APBA3: variants seen among roughly 807,000 people sequenced by gnomAD.
APBA3 encodes amyloid-beta A4 precursor protein-binding family A member 3.
APBA3 carries 45 observed loss-of-function variants against 55.9 expected under a neutral mutation model. That is an observed-to-expected ratio of 0.80 (90% CI 0.63 to 1.03). APBA3 has a LOEUF of 1.03. Ranked by LOEUF, APBA3 falls within the 50% of genes least tolerant of loss-of-function variation. The pLI is 0.00. For synonymous variants in APBA3, 370 were observed against 353.3 expected (o/e 1.05, Z -0.53); for missense variants, 865 against 820.3 (o/e 1.05, Z -0.67).
intron 6 of APBA3, 162 bp from the exon 7 acceptor site, chr19:3,753,152 C>T: frequency 1.3e-6 from 1 of 775,848 alleles, no homozygotes; most frequent in Non-Finnish European, 2.0e-6. Flanking sequence ...GGAGAGACAG[C>T]CGCATCTTGG....
At position 3,759,560 on chromosome 19, in the gene APBA3, C is replaced by CCCTCCTG. The variant is rs770315585; in HGVS notation, c.610_616dup (p.Val206AlafsTer8). On this transcript the variant is annotated frameshift_variant and splice_region_variant. Coordinates refer to ENST00000316757, the MANE Select transcript of APBA3 (RefSeq NM_004886.4). LOFTEE classifies it high-confidence loss of function. ...GAGGCTAGGGTGGGCGGGACACTCA[C>CCCTCCTG]CCTCCTGGGGGGCAGGGTAGGAAGC... 6.9e-6 allele frequency: 11 copies of CCCTCCTG among 1,598,408 alleles called. No homozygotes were observed. In the African/African-American group the frequency reaches 1.5e-4, roughly 21 times the overall value.
chr19:3,751,110 G>A lies in APBA3; in HGVS notation c.1657-13C>T, dbSNP rs919055738. On this transcript the variant is annotated splice_polypyrimidine_tract_variant and intron_variant, in intron 10 of 10. Transcript: ENST00000316757. The stretch of plus-strand genomic sequence containing the variant: ...TCTTGATATGCACCTGGGGAGTGGA[G>A]GCGGAACGGGGCTCAGGGCAGGCCT... The A allele has an allele frequency of 1.6e-5, 25 of 1,564,350 alleles. No individual in the cohort carries two copies. The highest frequency in any genetic ancestry group is 2.1e-5 in the Non-Finnish European group (24 of 1,154,178).
At chr19:3,757,583 T>C (rs1484843986) in intron 3 of APBA3, among the ~76,000 whole-genome samples, 2 of 152,086 alleles carry the variant, frequency 1.3e-5, no homozygotes, top group African/African-American at 4.8e-5. Flanking sequence ...AATATAAAAA[T>C]TAGCTGGGCA....
rs368362139 is a variant in APBA3 at position 3,752,825 on chromosome 19, G to A, written c.1177C>T (p.Arg393Trp). The A allele has an allele frequency of 2.0e-5, 33 of 1,613,012 alleles. No homozygotes were observed. Among genetic ancestry groups the A allele is most frequent in the African/African-American group, 5.3e-5 (4 of 74,932 alleles). ...CTGCCCAGCACCTCACTCACCTCCC[G>A]GCAGTTGTCACTGTTGGAGAAGTGG... ...LDHFSNSDNCREVHLEKRRGE... is the reference protein window; with the variant it reads ...LDHFSNSDNCWEVHLEKRRGE... The change falls in exon 7 of 11, where the codon CGG becomes TGG. Residue 393 changes from arginine to tryptophan, a missense_variant. Arg to Trp is a moderately radical substitution (Grantham distance 101, BLOSUM62 -3). Coordinates refer to ENST00000316757, the MANE Select transcript of APBA3 (RefSeq NM_004886.4).
rs1193326918 is a variant in APBA3 at position 3,760,207 on chromosome 19, C to G, written c.58G>C (p.Gly20Arg). The G allele has an allele frequency of 1.2e-6, 2 of 1,611,956 alleles. No homozygotes were observed. The highest frequency in any genetic ancestry group is 3.3e-5 in the Admixed American group (2 of 59,912). ...PSGPPAMDLE[G>R]PRDILVPSED... ...GAAGGCACAAGAATGTCCCTGGGCCCCTCCAAGTCCATGGCTGGAGGCCCC... is the reference window on the plus strand; with the variant it reads ...GAAGGCACAAGAATGTCCCTGGGCCGCTCCAAGTCCATGGCTGGAGGCCCC... Residue 20 changes from glycine to arginine, a missense_variant, in exon 2 of 11, where the codon GGG becomes CGG. By Grantham distance (125) the Gly-to-Arg change is moderately radical. Coordinates refer to ENST00000316757, the MANE Select transcript of APBA3 (RefSeq NM_004886.4).
At chr19:3,753,664 TA>T in intron 6 of APBA3, 100 bp downstream of exon 6, 1 of 1,183,274 alleles carries the variant, frequency 8.5e-7, no homozygotes, top group Non-Finnish European at 1.1e-6. Context: ...AATTTAAAAA[TA>T]AGCTTATGGG....
Position 3,759,672 on chromosome 19 carries a change from G to A in APBA3, c.576+17C>T. ...TCCAGGCAGTCCAGGATGCCTGGAG[G>A]GCGGGGCGGGCACTACCTGGGCACC... On this transcript the variant is annotated intron_variant, in intron 2 of 10. Transcript: ENST00000316757. 6.2e-7 allele frequency: 1 copy of A among 1,610,646 alleles called. No homozygotes were observed. The highest frequency in any genetic ancestry group is 1.1e-5 in the South Asian group (1 of 90,922).
chr19:3,751,549 G>A lies in APBA3; in HGVS notation c.1400C>T (p.Thr467Met), dbSNP rs773106862. The A allele has an allele frequency of 2.1e-5, 33 of 1,588,400 alleles. No individual in the cohort carries two copies. Among genetic ancestry groups the A allele is most frequent in the African/African-American group, 5.4e-5 (4 of 74,228 alleles). Residue 467 changes from threonine to methionine, a missense_variant, in exon 9 of 11, where the codon ACG (threonine) becomes ATG (methionine). Coordinates refer to ENST00000316757, the MANE Select transcript of APBA3 (RefSeq NM_004886.4). ...LAACQAAVRE[T>M]KSQTSVTLSI... ...GAGTGTCACCGACGTCTGCGACTTC[G>A]TCTCCTGTGGGGCGGGGGCCGTTGG...
At chr19:3,760,678 G>A (rs2037134110) in intron 1 of APBA3, among the ~76,000 whole-genome samples, 1 of 151,982 alleles carries the variant, frequency 6.6e-6, no homozygotes, top group Non-Finnish European at 1.5e-5. Flanking sequence ...GAACCCGGGA[G>A]GCGGAGGTTG....
At chr19:3,751,709 C>T (rs1037199727) in intron 8 of APBA3, 156 bp from the exon 9 acceptor site, 49 of 889,052 alleles carry the variant, frequency 5.5e-5, no homozygotes, top group Middle Eastern at 3.4e-4. Flanking sequence ...AGAACAGACT[C>T]GGGCCCGGTG....
rs201127819 is a variant in APBA3 at position 3,752,930 on chromosome 19, G to A, written c.1072C>T (p.Arg358Trp). The part of the protein sequence containing the change: ...AFAAAYSQFL[R>W]ESGIDPSQVG... The stretch of plus-strand genomic sequence containing the variant: ...TGGCTGGGGTCAATACCGCTTTCCC[G>A]TAGGAACTGGCTGTAGGCGGCGGCG... Residue 358 changes from arginine (R) to tryptophan (W), a missense_variant, in exon 7 of 11, where the codon CGG (arginine) becomes TGG (tryptophan). Arg to Trp is a moderately radical substitution (Grantham distance 101). Transcript: ENST00000316757. The A allele has an allele frequency of 5.6e-6, 9 of 1,613,402 alleles. No individual in the cohort carries two copies. Among genetic ancestry groups the A allele is most frequent in the Middle Eastern group, 1.6e-4 (1 of 6,062 alleles).
Position 3,751,234 on chromosome 19 carries a change from C to A in APBA3, c.1611G>T (p.Thr537=). ...IEINGQSVVA[T]PHARIIELLT... is the part of the protein sequence containing the mutation. ...GCAGCTCGATGATGCGGGCGTGTGG[C>A]GTGGCCACCACACTCTGCCCATTGA... Residue 537 remains threonine (T), a synonymous_variant, in exon 10 of 11, where the codon ACG becomes ACT. Coordinates refer to ENST00000316757, the MANE Select transcript of APBA3 (RefSeq NM_004886.4). 1.3e-6 allele frequency: 2 copies of A among 1,548,208 alleles called. No homozygotes were observed. Among genetic ancestry groups the A allele is most frequent in the Non-Finnish European group, 1.7e-6 (2 of 1,148,162 alleles).
At chr19:3,751,923 AACATGGCCAGGTGCAGTGGCTC>A in intron 8 of APBA3, 2 of 258,686 alleles carry the variant, frequency 7.7e-6, no homozygotes, top group Admixed American at 5.2e-5. Context: ...GAGACTCAAA[AACATGGCCAGGTGCAGTGGCTC>A]ACACCTGTAA....
In APBA3 at chr19:3,759,732, G is replaced by C; in HGVS notation, c.533C>G (p.Thr178Arg). 6.2e-7 allele frequency: 1 copy of C among 1,612,666 alleles called. No homozygotes were observed. The highest frequency in any genetic ancestry group is 8.5e-7 in the Non-Finnish European group (1 of 1,179,828). The change falls in exon 2 of 11, where the codon ACG becomes AGG. Residue 178 changes from threonine (T) to arginine (R), a missense_variant. By Grantham distance (71) the Thr-to-Arg change is moderately conservative. Coordinates refer to ENST00000316757, the MANE Select transcript of APBA3 (RefSeq NM_004886.4). Reference sequence around the variant, plus strand: ...CTCTTCAGGTGTGACTAGAGGCACCGTCTCCAGCCAGGGTTCCGGGGAACT... The same window carrying C: ...CTCTTCAGGTGTGACTAGAGGCACCCTCTCCAGCCAGGGTTCCGGGGAACT... ...SSSSPEPWLE[T>R]VPLVTPEEPP... is the part of the protein sequence containing the mutation.
Position 3,750,932 on chromosome 19 carries a change from G to A in APBA3, c.*94C>T, listed in dbSNP as rs1038321677. 15 of 1,366,812 alleles carry A rather than the reference G, an allele frequency of 1.1e-5. No homozygotes were observed. The Middle Eastern group carries it at 5.3e-4, about 49-fold the overall frequency. 84.7% of individuals were successfully genotyped at this position (1,366,812 alleles called of 1,614,324 possible). On this transcript the variant is annotated 3_prime_UTR_variant, in exon 11 of 11. Coordinates refer to ENST00000316757, the MANE Select transcript of APBA3 (RefSeq NM_004886.4). ...ATATTAGGAAATCATACAGGACCAA[G>A]AACCGCTGGGGTCCTGGCCAGCCAG...
Position 3,759,556 on chromosome 19 carries a change from C to T in APBA3, c.616+5G>A, listed in dbSNP as rs755378307. 1.1e-5 allele frequency: 17 copies of T among 1,596,818 alleles called. No individual in the cohort carries two copies. The highest frequency in any genetic ancestry group is 1.4e-5 in the Non-Finnish European group (16 of 1,173,156). On this transcript the variant is annotated splice_donor_5th_base_variant and intron_variant, in intron 3 of 10. Coordinates refer to ENST00000316757, the MANE Select transcript of APBA3 (RefSeq NM_004886.4). ...GCCTGAGGCTAGGGTGGGCGGGACA[C>T]TCACCCTCCTGGGGGGCAGGGTAGG...
At chr19:3,760,917 A>G (rs370876015) in intron 1 of APBA3, among the ~76,000 whole-genome samples, 2 of 152,132 alleles carry the variant, frequency 1.3e-5, no homozygotes, top group African/African-American at 2.4e-5. Context: ...TGTCTTAAAA[A>G]AAACAAACAA....
At chr19:3,754,538 T>C (rs1412347873) in intron 3 of APBA3, 198 bp from the exon 4 acceptor site, 11 of 644,800 alleles carry the variant, frequency 1.7e-5, no homozygotes, top group Non-Finnish European at 1.5e-5. Flanking sequence ...CTTCTGTCCA[T>C]CCCTCAAGGA....
rs766395163 is a variant in APBA3, at chr19:3,752,667, C to A, written c.1236G>T (p.Ser412=). The A allele has an allele frequency of 4.4e-6, 7 of 1,591,948 alleles. No individual in the cohort carries two copies. Among genetic ancestry groups the A allele is most frequent in the Non-Finnish European group, 6.0e-6 (7 of 1,174,850 alleles). The part of the protein sequence containing the change: ...GEGLGVALVE[S]GWGSLLPTAV... Reference sequence around the variant, plus strand: ...CTGTGGGCAGCAGGGAGCCCCAGCCCGACTCCACCAGGGCCACGCCCAGGC... The same window carrying A: ...CTGTGGGCAGCAGGGAGCCCCAGCCAGACTCCACCAGGGCCACGCCCAGGC... Residue 412 remains serine, a synonymous_variant, in exon 8 of 11, where the codon TCG becomes TCT. Transcript: ENST00000316757.
Sources: allele counts gnomAD v4.1 joint callset (sites outside exome capture counted in the v4.1 genomes callset), GRCh38; gene constraint gnomAD v4.1.1; transcripts MANE v1.5; gene names NCBI Gene and HGNC (gene_info 2026-07-23, HGNC 2026-07-21).